PLEKHG4B: variants seen among roughly 807,000 people sequenced by gnomAD.
PLEKHG4B encodes the protein pleckstrin homology and RhoGEF domain containing G4B, also known as pleckstrin homology domain-containing family G member 4B.
PLEKHG4B carries 111 observed loss-of-function variants against 121.3 expected under a neutral mutation model. That is an observed-to-expected ratio of 0.92 (90% CI 0.78 to 1.07). The LOEUF (loss-of-function observed/expected upper bound fraction) is 1.07, where lower values mean the gene tolerates loss of function less well. PLEKHG4B is among the 50% of genes least tolerant of loss of function. PLEKHG4B has a pLI of 0.00. For missense variants in PLEKHG4B, 1,831 were observed against 1,757.8 expected (o/e 1.04, Z -0.74); for synonymous variants, 738 against 725.0 (o/e 1.02, Z -0.29).
At position 109,418 on chromosome 5, in the gene PLEKHG4B, A is replaced by T. The variant is rs1328964384; in HGVS notation, c.46-3833A>T. Among the ~76,000 whole-genome samples, 53 of 150,010 alleles carry T rather than the reference A, an allele frequency of 3.5e-4. 1 individual carries two copies. The highest frequency in any genetic ancestry group is 5.3e-4 in the Non-Finnish European group (36 of 67,488). ...TCTCCAAAAAAAAAAAAAAAAAAAA[A>T]AAATCCAGCCAGAGGCAAAGGCCAC... On this transcript the variant is annotated intron_variant, in intron 1 of 19. Coordinates refer to ENST00000637938, the MANE Select transcript of PLEKHG4B (RefSeq NM_052909.5).
intron 2 of PLEKHG4B, among the ~76,000 whole-genome samples, chr5:122,165 C>A (rs765061380): frequency 6.6e-6 from 1 of 151,578 alleles, no homozygotes; most frequent in Non-Finnish European, 1.5e-5. Flanking sequence ...CAAAGAGATA[C>A]AACTAAATAT....
At position 184,007 on chromosome 5, in the gene PLEKHG4B, A is replaced by AGAT. The variant is rs1553992901; in HGVS notation, c.*1685_*1687dup. 4.0e-5 allele frequency: 6 copies of AGAT among 150,768 alleles called. No homozygotes were observed. The highest frequency in any genetic ancestry group is 6.6e-5 in the Admixed American group (1 of 15,190). The allele number at this position is 150,768 out of a possible 1,614,324, so 9.3% of individuals were successfully genotyped here. ...TAGATAGATCGATAGATAGATAGAT[A>AGAT]GATAGATAGATAGATAGATAGACTG... On this transcript the variant is annotated 3_prime_UTR_variant, in exon 20 of 20. Coordinates refer to ENST00000637938, the MANE Select transcript of PLEKHG4B (RefSeq NM_052909.5).
At chr5:111,752 G>A (rs547320519) in intron 1 of PLEKHG4B, among the ~76,000 whole-genome samples, 4 of 152,238 alleles carry the variant, frequency 2.6e-5, no homozygotes, top group East Asian at 1.9e-4. Context: ...CAGGCCATTC[G>A]AGATGCCTCT....
At chr5:134,558 G>A (rs1365848926) in intron 2 of PLEKHG4B, among the ~76,000 whole-genome samples, 1 of 151,944 alleles carries the variant, frequency 6.6e-6, no homozygotes, top group African/African-American at 2.4e-5. Context: ...TTGAGGTCAG[G>A]AGTTCAAGAC....
intron 2 of PLEKHG4B, among the ~76,000 whole-genome samples, chr5:126,968 C>T (rs1313409810): frequency 2.0e-5 from 3 of 152,112 alleles, no homozygotes; most frequent in Admixed American, 6.5e-5. Context: ...ACATAGTGTG[C>T]GGGTCGGGGA....
At chr5:128,773 C>T (rs1014498586) in intron 2 of PLEKHG4B, among the ~76,000 whole-genome samples, 4 of 152,174 alleles carry the variant, frequency 2.6e-5, no homozygotes, top group South Asian at 2.1e-4. Context: ...CCAGAATCCT[C>T]CTCACAACTG....
chr5:93,399 C>T (rs896161445), intron 1 of PLEKHG4B, among the ~76,000 whole-genome samples: 5 of 152,044 alleles, frequency 3.3e-5, no homozygotes, highest in African/African-American at 7.3e-5. Context: ...AGGAGGCCGC[C>T]GTCTCCGAGA....
In PLEKHG4B at chr5:156,016, G is replaced by A; in HGVS notation, c.2209-55G>A. ...ATTCCTGCCACTGTCACACTTGGGA[G>A]GACCTGCCCCTTGGAGGAGGGAGTT... On this transcript the variant is annotated intron_variant, in intron 9 of 19. Coordinates refer to ENST00000637938, the MANE Select transcript of PLEKHG4B (RefSeq NM_052909.5). The surrounding 1 kb of genome is among the most constrained non-coding windows in gnomAD (Gnocchi z 4.4). The A allele has an allele frequency of 1.4e-6, 2 of 1,452,642 alleles. No individual in the cohort carries two copies. The highest frequency in any genetic ancestry group is 2.2e-5 in the Admixed American group (1 of 45,732). The allele number at this position is 1,452,642 out of a possible 1,614,324, so 90.0% of individuals were successfully genotyped here. A position where few individuals can be genotyped will look rare whatever the true frequency, so the allele number is the denominator to read the frequency against.
chr5:182,942 A>T lies in PLEKHG4B; in HGVS notation c.*619A>T, dbSNP rs1488535678. ...AAGGCTGGGAGCAACCTTTGAAAAG[A>T]CCAAAGATCAATTCCTGGTACTCAT... On this transcript the variant is annotated 3_prime_UTR_variant, in exon 20 of 20. Transcript: ENST00000637938. 1 of 154,910 alleles carries T rather than the reference A, an allele frequency of 6.5e-6. No individual in the cohort carries two copies. The highest frequency in any genetic ancestry group is 2.4e-5 in the African/African-American group (1 of 41,452). The allele number at this position is 154,910 out of a possible 1,614,324, so 9.6% of individuals were successfully genotyped here.
At chr5:122,969 CCCTCT>C (rs976487862) in intron 2 of PLEKHG4B, among the ~76,000 whole-genome samples, 12 of 152,124 alleles carry the variant, frequency 7.9e-5, no homozygotes, top group African/African-American at 2.9e-4. Flanking sequence ...CGATTTTTTA[CCCTCT>C]CCTCTCAGCA....
chr5:108,167 A>G (rs1196169723), intron 1 of PLEKHG4B, among the ~76,000 whole-genome samples: 1 of 152,122 alleles, frequency 6.6e-6, no homozygotes, highest in Non-Finnish European at 1.5e-5. Flanking sequence ...GAAGCTTTTC[A>G]CCAGGACCTG....
chr5:171,461 C>A lies in PLEKHG4B; in HGVS notation c.4050+17C>A. 1 of 1,561,712 alleles carries A rather than the reference C, an allele frequency of 6.4e-7. No individual in the cohort carries two copies. The highest frequency in any genetic ancestry group is 8.7e-7 in the Non-Finnish European group (1 of 1,153,806). ...GGCTGTGACGTAAGTGCCTCAGACG[C>A]TGGCAGCTCAGGCAAGCTGGGGGAA... On this transcript the variant is annotated intron_variant, in intron 16 of 19. Coordinates refer to ENST00000637938, the MANE Select transcript of PLEKHG4B (RefSeq NM_052909.5).
chr5:156,886 C>T lies in PLEKHG4B; in HGVS notation c.2462C>T (p.Ala821Val), dbSNP rs376874976. Residue 821 changes from alanine to valine, a missense_variant, in exon 11 of 20, where the codon GCG becomes GTG. Physicochemically the swap from Ala to Val is moderately conservative, Grantham distance 64. Transcript: ENST00000637938. This position sits in a 1 kb window ranked among gnomAD's most constrained non-coding sequence, Gnocchi z 4.4. ...CAGCTGGAGCACCTCCGGGAGCTGG[C>T]GTCACTCCTGGAAGGGAATGACCAG... ...LQQLEHLRELASLLEGNDQQS... is the reference protein window; with the variant it reads ...LQQLEHLRELVSLLEGNDQQS... 10 of 1,611,372 alleles carry T rather than the reference C, an allele frequency of 6.2e-6. No homozygotes were observed. The highest frequency in any genetic ancestry group is 5.3e-5 in the African/African-American group (4 of 74,842).
At chr5:143,699 A>G (rs1735309477) in intron 5 of PLEKHG4B, among the ~76,000 whole-genome samples, 196 bp downstream of exon 5, 1 of 152,128 alleles carries the variant, frequency 6.6e-6, no homozygotes, top group African/African-American at 2.4e-5. Flanking sequence ...TTCTCTACAC[A>G]TCCTTCCCAG....
At chr5:173,266 T>A (rs1395309072) in intron 17 of PLEKHG4B, among the ~76,000 whole-genome samples, 199 bp downstream of exon 17, 1 of 152,216 alleles carries the variant, frequency 6.6e-6, no homozygotes, top group Non-Finnish European at 1.5e-5. Flanking sequence ...AGGAGAAGTG[T>A]GTCTTCTCCA....
At chr5:123,149 T>C (rs1447143214) in intron 2 of PLEKHG4B, among the ~76,000 whole-genome samples, 1 of 152,108 alleles carries the variant, frequency 6.6e-6, no homozygotes, top group Admixed American at 6.5e-5. Context: ...ATAAACTACA[T>C]ACTGTAGATG....
Position 182,046 on chromosome 5 carries a change from A to G in PLEKHG4B, c.4607A>G (p.His1536Arg). ...RGSTAVSSSD[H>R]AAPFKRPHST... ...TCCACAGCGGTGTCCTCCTCTGACCACGCCGCCCCCTTCAAGCGACCACAC... is the reference window on the plus strand; with the variant it reads ...TCCACAGCGGTGTCCTCCTCTGACCGCGCCGCCCCCTTCAAGCGACCACAC... The change falls in exon 20 of 20, where the codon CAC becomes CGC. Residue 1536 changes from histidine (H) to arginine (R), a missense_variant. His to Arg is a conservative substitution (Grantham distance 29). Coordinates refer to ENST00000637938, the MANE Select transcript of PLEKHG4B (RefSeq NM_052909.5). The G allele has an allele frequency of 6.2e-7, 1 of 1,614,008 alleles. No homozygotes were observed. The highest frequency in any genetic ancestry group is 8.5e-7 in the Non-Finnish European group (1 of 1,179,982).
At position 163,409 on chromosome 5, in the gene PLEKHG4B, G is replaced by C. The variant is rs769886579; in HGVS notation, c.3337G>C (p.Val1113Leu). ...TAGTGTCTTCAGCAAGGGCCTGGAG[G>C]TAACCAGCACTGTAGCCACAGAGAA... Reference protein sequence around the residue: ...HTSVFSKGLEVTSTVATEKKL... With the variant: ...HTSVFSKGLELTSTVATEKKL... The change falls in exon 13 of 20, where the codon GTA (valine) becomes CTA (leucine). Residue 1113 changes from valine to leucine, a missense_variant. Physicochemically the swap from Val to Leu is conservative, Grantham distance 32. Coordinates refer to ENST00000637938, the MANE Select transcript of PLEKHG4B (RefSeq NM_052909.5). The C allele has an allele frequency of 6.2e-7, 1 of 1,613,044 alleles. No homozygotes were observed. Among genetic ancestry groups the C allele is most frequent in the Admixed American group, 1.7e-5 (1 of 60,034 alleles).
intron 11 of PLEKHG4B, among the ~76,000 whole-genome samples, chr5:161,474 C>T (rs1243200841): frequency 6.6e-6 from 1 of 152,242 alleles, no homozygotes; most frequent in Non-Finnish European, 1.5e-5. Flanking sequence ...CAGCCCTGTG[C>T]AGCGTGTACT....
Sources: allele counts gnomAD v4.1 joint callset (sites outside exome capture counted in the v4.1 genomes callset), GRCh38; gene constraint gnomAD v4.1.1; non-coding constraint Gnocchi (gnomAD v3.1); transcripts MANE v1.5; gene names NCBI Gene and HGNC (gene_info 2026-07-23, HGNC 2026-07-21).